Variants in FGFR3 observed in about 807,000 individuals in gnomAD.
FGFR3 encodes fibroblast growth factor receptor 3, also known as FGFR-3.
A neutral mutation model predicts 82.9 loss-of-function variants in FGFR3; 25 were observed. The observed-to-expected ratio is 0.30, with a 90% confidence interval of 0.22 to 0.42. The LOEUF is 0.42. FGFR3 is among the 10% of genes least tolerant of loss of function. The probability of loss-of-function intolerance (pLI) is 1.00; values close to 1 mark genes in which losing one functional copy is unlikely to be tolerated. For missense variants in FGFR3, 1,026 were observed against 1,161.0 expected (o/e 0.88, Z 1.69); for synonymous variants, 620 against 516.0 (o/e 1.20, Z -2.73).
chr4:1,806,026 GC>G, intron 13 of FGFR3, 24 bp from the exon 14 acceptor site: 1 of 1,612,834 alleles, frequency 6.2e-7, no homozygotes, highest in Non-Finnish European at 8.5e-7. Flanking sequence ...AGAGGCTTCA[GC>G]CCTGCCTCCC....
intron 3 of FGFR3, 91 bp from the exon 4 acceptor site, chr4:1,799,656 C>T: frequency 1.3e-6 from 2 of 1,572,994 alleles, no homozygotes; most frequent in Non-Finnish European, 1.7e-6. Flanking sequence ...GAAGTGCTGC[C>T]CAAATGGGGG....
At position 1,801,894 on chromosome 4, in the gene FGFR3, C is replaced by T. The variant is rs746064816; in HGVS notation, c.799C>T (p.Leu267=). 2.5e-6 allele frequency: 4 copies of T among 1,611,542 alleles called. No homozygotes were observed. Among genetic ancestry groups the T allele is most frequent in the Middle Eastern group, 1.7e-4 (1 of 6,056 alleles). Residue 267 remains leucine (L), a synonymous_variant, in exon 7 of 18, where the codon CTG becomes TTG. Coordinates refer to ENST00000440486, the MANE Select transcript of FGFR3 (RefSeq NM_000142.5). Reference sequence around the variant, plus strand: ...GCTGCCGGCCAACCAGACGGCGGTGCTGGGCAGCGACGTGGAGTTCCACTG... The same window carrying T: ...GCTGCCGGCCAACCAGACGGCGGTGTTGGGCAGCGACGTGGAGTTCCACTG... ...AGLPANQTAV[L]GSDVEFHCKV...
Position 1,802,035 on chromosome 4 carries a change from C to CGT in FGFR3, c.930+14_930+15dup, listed in dbSNP as rs1257068138. The CGT allele has an allele frequency of 3.7e-6, 6 of 1,608,210 alleles. No individual in the cohort carries two copies. Among genetic ancestry groups the CGT allele is most frequent in the East Asian group, 2.2e-5 (1 of 44,668 alleles). On this transcript the variant is annotated intron_variant, in intron 7 of 17. Transcript: ENST00000440486. ...CGTTACCGTGCTCAAGGTGGGCCAC[C>CGT]GTGTGCACGTGGGTGCCGCCGCTGG...
At chr4:1,803,319 G>A (rs565987432) in intron 7 of FGFR3, among the ~76,000 whole-genome samples, 96 of 152,124 alleles carry the variant, frequency 6.3e-4, no homozygotes, top group Non-Finnish European at 1.1e-3. Context: ...GGCCGGCTCC[G>A]TGCCGTCTGT....
chr4:1,802,281 G>A (rs899027963), intron 7 of FGFR3, among the ~76,000 whole-genome samples: 4 of 152,204 alleles, frequency 2.6e-5, no homozygotes, highest in African/African-American at 7.2e-5. Flanking sequence ...AGCTGCCCAC[G>A]GGCTTCTTGG....
intron 12 of FGFR3, 35 bp from the exon 13 acceptor site, chr4:1,805,715 G>A (rs1224231189): frequency 6.2e-7 from 1 of 1,611,430 alleles, no homozygotes; most frequent in Non-Finnish European, 8.5e-7. Flanking sequence ...GCCCTCCTGG[G>A]CCTGGCAGCC....
chr4:1,795,223 G>T (rs1720343848), intron 2 of FGFR3, among the ~76,000 whole-genome samples: 1 of 152,078 alleles, frequency 6.6e-6, no homozygotes, highest in African/African-American at 2.4e-5. Flanking sequence ...CTGCTCGGGC[G>T]GCCCCGCTTC....
intron 9 of FGFR3, 97 bp from the exon 10 acceptor site, chr4:1,804,727 C>G: frequency 6.7e-7 from 1 of 1,488,146 alleles, no homozygotes; most frequent in Non-Finnish European, 9.1e-7. Flanking sequence ...TGGTGGAAGT[C>G]AGAACGCCCC....
Position 1,802,740 on chromosome 4 carries a change from G to T in FGFR3, c.930+715G>T, listed in dbSNP as rs3135880. On this transcript the variant is annotated intron_variant, in intron 7 of 17. Coordinates refer to ENST00000440486, the MANE Select transcript of FGFR3 (RefSeq NM_000142.5). ...GGGTTGTTGGGGTGGAGGCAGAGACGTGCATCCTGTGAAACCACAGCCACC... is the reference window on the plus strand; with the variant it reads ...GGGTTGTTGGGGTGGAGGCAGAGACTTGCATCCTGTGAAACCACAGCCACC... Among the ~76,000 whole-genome samples, 66 of 152,288 alleles carry T rather than the reference G, an allele frequency of 4.3e-4. 1 individual carries two copies. The East Asian group carries it at 0.011, about 25-fold the overall frequency.
intron 8 of FGFR3, 91 bp downstream of exon 8, chr4:1,803,927 G>A: frequency 7.3e-7 from 1 of 1,371,858 alleles, no homozygotes; most frequent in Non-Finnish European, 1.0e-6. Flanking sequence ...CGGGAATCCT[G>A]TGACTTACGG....
At position 1,801,999 on chromosome 4, in the gene FGFR3, G is replaced by A. The variant is rs748261686; in HGVS notation, c.904G>A (p.Gly302Ser). ...GAATGGCAGCAAGGTGGGCCCGGAC[G>A]GCACACCCTACGTTACCGTGCTCAA... ...EVNGSKVGPD[G>S]TPYVTVLKTA... is the part of the protein sequence containing the mutation. The change falls in exon 7 of 18, where the codon GGC (glycine) becomes AGC (serine). Residue 302 changes from glycine (G) to serine (S), a missense_variant. Gly to Ser is a moderately conservative substitution (Grantham distance 56). Around this residue, in one of 9 missense-constraint regions of FGFR3, gnomAD observed 256 missense variants for 217.6 expected, o/e 1.18. Transcript: ENST00000440486. The A allele has an allele frequency of 3.7e-6, 6 of 1,612,386 alleles. No individual in the cohort carries two copies. Among genetic ancestry groups the A allele is most frequent in the Admixed American group, 3.3e-5 (2 of 59,982 alleles).
Position 1,807,495 on chromosome 4 carries a change from G to T in FGFR3, c.*233G>T. 1.4e-6 allele frequency: 1 copy of T among 728,994 alleles called. No individual in the cohort carries two copies. The highest frequency in any genetic ancestry group is 2.4e-6 in the Non-Finnish European group (1 of 409,152). The allele number at this position is 728,994 out of a possible 1,614,324, so 45.2% of individuals were successfully genotyped here. On this transcript the variant is annotated 3_prime_UTR_variant, in exon 18 of 18. Transcript: ENST00000440486. ...GTACCCTGGGTGTCCCCGCTGCTGTGCAACGGTCTCCTGACTGGTGCTGCA... is the reference window on the plus strand; with the variant it reads ...GTACCCTGGGTGTCCCCGCTGCTGTTCAACGGTCTCCTGACTGGTGCTGCA...
chr4:1,801,757 G>A lies in FGFR3; in HGVS notation c.739+14G>A. On this transcript the variant is annotated intron_variant, in intron 6 of 17. Coordinates refer to ENST00000440486, the MANE Select transcript of FGFR3 (RefSeq NM_000142.5). ...TGGACGTGCTGGGTGAGGGCCCTGG[G>A]GCGGCGCGGGGGTGGGGGCGGCAGT... is the stretch of plus-strand genomic sequence containing the variant. 1 of 1,594,378 alleles carries A rather than the reference G, an allele frequency of 6.3e-7. No individual in the cohort carries two copies. Among genetic ancestry groups the A allele is most frequent in the Non-Finnish European group, 8.5e-7 (1 of 1,172,448 alleles).
chr4:1,803,964 C>G (rs1044074260), intron 8 of FGFR3, 128 bp downstream of exon 8: 17 of 1,124,862 alleles, frequency 1.5e-5, no homozygotes, highest in Non-Finnish European at 2.1e-5. Context: ...GCCCTCACTC[C>G]TGGCCCTGTG....
chr4:1,797,439 G>A (rs1475127349), intron 2 of FGFR3, among the ~76,000 whole-genome samples: 2 of 152,332 alleles, frequency 1.3e-5, no homozygotes, highest in East Asian at 3.9e-4. Flanking sequence ...CGGGCAGATG[G>A]CCACTGGTGT....
At chr4:1,803,100 C>A in intron 7 of FGFR3, 1 of 1,522,890 alleles carries the variant, frequency 6.6e-7, no homozygotes, top group Admixed American at 2.1e-5. Context: ...GGCACAAGAG[C>A]TCCAGCTCCA....
rs777969410 is a variant in FGFR3 at position 1,803,704 on chromosome 4, A to C, written c.943A>C (p.Asn315His). The change falls in exon 8 of 18, where the codon AAC (asparagine) becomes CAC (histidine). Residue 315 changes from asparagine (N) to histidine (H), a missense_variant. Asn to His is a moderately conservative substitution (Grantham distance 68, BLOSUM62 1). This residue lies in a region of FGFR3 where 256 missense variants were observed against 217.6 expected (regional missense o/e 1.18). Transcript: ENST00000440486. ...YVTVLKTAGANTTDKELEVLS... is the reference protein window; with the variant it reads ...YVTVLKTAGAHTTDKELEVLS... ...TCTCTCTTTGTAGACGGCGGGCGCT[A>C]ACACCACCGACAAGGAGCTAGAGGT... The C allele has an allele frequency of 1.9e-5, 30 of 1,613,728 alleles. No homozygotes were observed. Among genetic ancestry groups the C allele is most frequent in the Non-Finnish European group, 2.5e-5 (30 of 1,179,990 alleles).
rs1364487033 is a variant in FGFR3, at chr4:1,804,247, C to T, written c.1076-83C>T. 4.8e-6 allele frequency: 7 copies of T among 1,470,726 alleles called. 1 individual carries two copies. The South Asian group carries it at 6.7e-5, about 14-fold the overall frequency. 91.1% of individuals were successfully genotyped at this position (1,470,726 alleles called of 1,614,324 possible). The stretch of plus-strand genomic sequence containing the variant: ...GAGCCCCCTTCCGCTCCCAGTGGTG[C>T]CTGCGGCTCTGGGCCAGGGGCATCC... On this transcript the variant is annotated intron_variant, in intron 8 of 17. Transcript: ENST00000440486.
At chr4:1,797,419 C>T (rs17881603) in intron 2 of FGFR3, among the ~76,000 whole-genome samples, 1 of 152,214 alleles carries the variant, frequency 6.6e-6, no homozygotes, top group African/African-American at 2.4e-5. Flanking sequence ...TGCACCCTCC[C>T]CACCACACAC....
Sources: allele counts gnomAD v4.1 joint callset (sites outside exome capture counted in the v4.1 genomes callset), GRCh38; gene constraint gnomAD v4.1.1; regional missense constraint gnomAD v4.1.1; transcripts MANE v1.5; gene names NCBI Gene and HGNC (gene_info 2026-07-23, HGNC 2026-07-21).